RHOBTB2: variants seen among roughly 807,000 people sequenced by gnomAD.
The protein encoded by RHOBTB2 is rho-related BTB domain-containing protein 2.
A neutral mutation model predicts 66.5 loss-of-function variants in RHOBTB2; 39 were observed. The ratio of observed to expected loss-of-function variants is 0.59; its 90% CI spans 0.45 to 0.77. The LOEUF is 0.77. Among genes scored for constraint, RHOBTB2 ranks in the 30% least tolerant of loss-of-function variants. The pLI is 0.00. For missense variants in RHOBTB2, 755 were observed against 999.1 expected (o/e 0.76, Z 3.29); for synonymous variants, 390 against 395.0 (o/e 0.99, Z 0.15).
chr8:23,008,088 T>C lies in RHOBTB2; in HGVS notation c.1597T>C (p.Phe533Leu). 1 of 1,612,402 alleles carries C rather than the reference T, an allele frequency of 6.2e-7. No individual in the cohort carries two copies. The highest frequency in any genetic ancestry group is 8.5e-7 in the Non-Finnish European group (1 of 1,179,440). ...DWMAAMFGGP[F>L]VESSTREVVF... is the part of the protein sequence containing the mutation. ...GATGGCTGCCATGTTTGGGGGGCCA[T>C]TTGTGGAGAGCTCCACCCGGGAGGT... is the stretch of plus-strand genomic sequence containing the variant. Residue 533 changes from phenylalanine (F) to leucine (L), a missense_variant, in exon 6 of 10, where the codon TTT becomes CTT. Physicochemically the swap from Phe to Leu is conservative, Grantham distance 22. This residue lies in a region of RHOBTB2 where 353 missense variants were observed against 458.2 expected (regional missense o/e 0.77). Transcript: ENST00000251822.
chr8:22,991,845 C>T (rs1042728386), intron 1 of RHOBTB2, among the ~76,000 whole-genome samples: 21 of 152,310 alleles, frequency 1.4e-4, no homozygotes, highest in Admixed American at 4.6e-4. Flanking sequence ...AAAGCAGCTA[C>T]GACCCTAAAT....
In RHOBTB2 at chr8:23,006,769, G is replaced by T; in HGVS notation, c.524G>T (p.Arg175Leu). The T allele has an allele frequency of 1.2e-6, 2 of 1,613,982 alleles. No individual in the cohort carries two copies. Among genetic ancestry groups the T allele is most frequent in the East Asian group, 2.2e-5 (1 of 44,866 alleles). Residue 175 changes from arginine to leucine, a missense_variant, in exon 5 of 10, where the codon CGG (arginine) becomes CTG (leucine). Transcript: ENST00000251822. This position sits in a 1 kb window ranked among gnomAD's most constrained non-coding sequence, Gnocchi z 6.1. ...GAAATCCTGCCCCCAGAGAAGGGTC[G>T]GGAGGTGGCCAAGGAGCTGGGCATC... is the stretch of plus-strand genomic sequence containing the variant. ...PNEILPPEKGREVAKELGIPY... is the reference protein window; with the variant it reads ...PNEILPPEKGLEVAKELGIPY...
At chr8:22,976,775 G>A in the RHOBTB2 span, among the ~76,000 whole-genome samples, 3 of 151,890 alleles carry the variant, frequency 2.0e-5, no homozygotes, top group Non-Finnish European at 4.4e-5. Context: ...ACAAGCATGT[G>A]CCACCATCCC....
the RHOBTB2 span, among the ~76,000 whole-genome samples, chr8:22,982,165 C>T: frequency 6.6e-6 from 1 of 152,230 alleles, no homozygotes; most frequent in Non-Finnish European, 1.5e-5. Context: ...GCCACTGGTT[C>T]AGTGCCTCCA....
intron 3 of RHOBTB2, 80 bp from the exon 4 acceptor site, chr8:23,005,880 G>C: frequency 7.3e-7 from 1 of 1,372,624 alleles, no homozygotes; most frequent in Non-Finnish European, 1.0e-6. Flanking sequence ...ACTGTACAGG[G>C]CTGGGGTGGG....
Position 23,015,684 on chromosome 8 carries a change from G to T in RHOBTB2, c.1907G>T (p.Cys636Phe). The change falls in exon 9 of 10, where the codon TGC becomes TTC. Residue 636 changes from cysteine (C) to phenylalanine (F), a missense_variant. Cys to Phe is a radical substitution (Grantham distance 205). Coordinates refer to ENST00000251822, the MANE Select transcript of RHOBTB2 (RefSeq NM_015178.3). The stretch of plus-strand genomic sequence containing the variant: ...GCCGACTGGTGTCTCCACCACATCT[G>T]CACCAACTACAACAACGTGTGCCGC... Reference protein sequence around the residue: ...QLADWCLHHICTNYNNVCRKF... With the variant: ...QLADWCLHHIFTNYNNVCRKF... The T allele has an allele frequency of 6.2e-7, 1 of 1,614,040 alleles. No homozygotes were observed. The highest frequency in any genetic ancestry group is 8.5e-7 in the Non-Finnish European group (1 of 1,179,962).
At chr8:22,979,758 TGGGACAGAG>T in the RHOBTB2 span, among the ~76,000 whole-genome samples, 3 of 102,578 alleles carry the variant, frequency 2.9e-5, no homozygotes, top group East Asian at 3.8e-4. Flanking sequence ...TTTTTTTTTT[TGGGACAGAG>T]TGAGACTCTG....
In RHOBTB2 at chr8:23,007,133, C is replaced by T; in HGVS notation, c.888C>T (p.Phe296=). 1 of 1,608,834 alleles carries T rather than the reference C, an allele frequency of 6.2e-7. No individual in the cohort carries two copies. The highest frequency in any genetic ancestry group is 8.5e-7 in the Non-Finnish European group (1 of 1,179,788). ...STSSSKFYDL[F]LMDLSEGELG... is the part of the protein sequence containing the mutation. ...CTTCCTCCAAGTTCTATGACCTGTT[C>T]CTCATGGACCTGAGTGAGGGGGAGC... Residue 296 remains phenylalanine (F), a synonymous_variant, in exon 5 of 10, where the codon TTC becomes TTT. Transcript: ENST00000251822.
the RHOBTB2 span, among the ~76,000 whole-genome samples, chr8:22,957,936 C>G: frequency 6.6e-6 from 1 of 152,172 alleles, no homozygotes; most frequent in Admixed American, 6.6e-5. Context: ...GGAGTTTCTT[C>G]AGACCCCCAA....
intron 1 of RHOBTB2, among the ~76,000 whole-genome samples, chr8:22,989,822 G>A (rs1382742655): frequency 1.3e-5 from 2 of 152,194 alleles, no homozygotes; most frequent in East Asian, 3.9e-4. Flanking sequence ...GAGGCCTCAG[G>A]GCTGTGCTGT....
At chr8:22,969,434 C>T in the RHOBTB2 span, among the ~76,000 whole-genome samples, 2 of 151,894 alleles carry the variant, frequency 1.3e-5, no homozygotes, top group Admixed American at 6.6e-5. Flanking sequence ...CATTATAAAC[C>T]AATAAGAACA....
rs959712849 is a variant in RHOBTB2 at position 23,017,886 on chromosome 8, A to C, written c.*417A>C. On this transcript the variant is annotated 3_prime_UTR_variant, in exon 10 of 10. Transcript: ENST00000251822. This position sits in a 1 kb window ranked among gnomAD's most constrained non-coding sequence, Gnocchi z 5.3. Reference sequence around the variant, plus strand: ...CTCGAGGGTCCTGCCCCTGTTGGCCATATCTTTCCACCGACGGACTTGAGT... The same window carrying C: ...CTCGAGGGTCCTGCCCCTGTTGGCCCTATCTTTCCACCGACGGACTTGAGT... 5.3e-6 allele frequency: 1 copy of C among 187,686 alleles called. No individual in the cohort carries two copies. The highest frequency in any genetic ancestry group is 2.3e-5 in the African/African-American group (1 of 43,116). 11.6% of individuals were successfully genotyped at this position (187,686 alleles called of 1,614,324 possible).
the RHOBTB2 span, among the ~76,000 whole-genome samples, chr8:22,950,883 T>C: frequency 6.6e-6 from 1 of 152,242 alleles, no homozygotes; most frequent in South Asian, 2.1e-4. Flanking sequence ...GAGCCGCCAT[T>C]TGGAACATGC....
chr8:23,012,364 G>A (rs932475986), intron 7 of RHOBTB2, among the ~76,000 whole-genome samples: 3 of 152,326 alleles, frequency 2.0e-5, no homozygotes, highest in South Asian at 4.1e-4. Flanking sequence ...GCATGGAAAG[G>A]CTTATTGAAA....
the RHOBTB2 span, among the ~76,000 whole-genome samples, chr8:22,969,288 A>G: frequency 6.6e-6 from 1 of 152,350 alleles, no homozygotes; most frequent in African/African-American, 2.4e-5. Flanking sequence ...CCTCTCACCG[A>G]GTCCCTTCCA....
the RHOBTB2 span, among the ~76,000 whole-genome samples, chr8:22,954,208 T>A: frequency 1.3e-5 from 2 of 152,198 alleles, no homozygotes; most frequent in African/African-American, 4.8e-5. Context: ...GACACATTGA[T>A]AGATCAGAGA....
chr8:22,953,222 T>G, the RHOBTB2 span, among the ~76,000 whole-genome samples: 1 of 152,214 alleles, frequency 6.6e-6, no homozygotes, highest in Non-Finnish European at 1.5e-5. Flanking sequence ...CCAGTTACAC[T>G]CCGCCATTTT....
intron 7 of RHOBTB2, among the ~76,000 whole-genome samples, chr8:23,013,002 T>C (rs1811189801): frequency 6.6e-6 from 1 of 151,190 alleles, no homozygotes; most frequent in Non-Finnish European, 1.5e-5. Context: ...TTTTGCCATG[T>C]TGGCCAGGCT....
the RHOBTB2 span, among the ~76,000 whole-genome samples, chr8:22,979,049 T>C: frequency 6.6e-6 from 1 of 152,202 alleles, no homozygotes; most frequent in Non-Finnish European, 1.5e-5. Context: ...ACTTTGTGTT[T>C]TGACTTGGTT....
Sources: gnomAD v4.1 joint callset for allele counts (sites outside exome capture counted in the v4.1 genomes callset) on GRCh38, gnomAD v4.1.1 for gene constraint, gnomAD v4.1.1 regional missense constraint, Gnocchi (gnomAD v3.1) non-coding constraint, MANE v1.5 for transcripts, NCBI Gene and HGNC (gene_info 2026-07-23, HGNC 2026-07-21) for gene names.